The following OPTN variants were observed in gnomAD, a reference collection of about 807,000 sequenced individuals.
The protein encoded by OPTN is optineurin, also known as E3-14.7K-interacting protein.
In OPTN, 54 loss-of-function variants were observed where a neutral mutation model predicts 70.4. That is an observed-to-expected ratio of 0.77 (90% CI 0.62 to 0.96). The LOEUF (loss-of-function observed/expected upper bound fraction) is 0.96, where lower values mean the gene tolerates loss of function less well. Among genes scored for constraint, OPTN ranks in the 40% least tolerant of loss-of-function variants. The pLI, the probability that OPTN is intolerant of heterozygous loss-of-function variation, is 0.00. For missense variants in OPTN, 624 were observed against 673.2 expected (o/e 0.93, Z 0.81); for synonymous variants, 256 against 248.5 (o/e 1.03, Z -0.28).
At chr10:13,130,372 C>T (rs544593909) in intron 12 of OPTN, among the ~76,000 whole-genome samples, 65 of 139,804 alleles carry the variant, frequency 4.6e-4, no homozygotes, top group Non-Finnish European at 8.6e-4. Context: ...TTGCAGTGAG[C>T]CGAGATCATG....
At chr10:13,115,044 T>C (rs866821065) in intron 5 of OPTN, among the ~76,000 whole-genome samples, 1 of 60,068 alleles carries the variant, frequency 1.7e-5, no homozygotes, top group Non-Finnish European at 2.9e-5. Flanking sequence ...TATTTTTATA[T>C]ATAGATATAT....
intron 7 of OPTN, 25 bp from the exon 8 acceptor site, chr10:13,122,360 T>C (rs760142711): frequency 4.6e-6 from 7 of 1,525,518 alleles, no homozygotes; most frequent in Non-Finnish European, 6.4e-6. Flanking sequence ...AGAAAGTAAC[T>C]TTTCTATCTT....
At chr10:13,122,543 G>A (rs1833374032) in intron 8 of OPTN, 56 bp downstream of exon 8, 2 of 1,146,002 alleles carry the variant, frequency 1.7e-6, no homozygotes, top group South Asian at 1.2e-5. Context: ...GAGTAGTCCA[G>A]CCACTGAATT....
intron 7 of OPTN, among the ~76,000 whole-genome samples, chr10:13,120,119 A>T (rs1036307407): frequency 1.3e-5 from 2 of 150,772 alleles, no homozygotes; most frequent in Non-Finnish European, 3.0e-5. Context: ...AGTAGCCGGG[A>T]CTACAGGCGC....
intron 12 of OPTN, among the ~76,000 whole-genome samples, chr10:13,130,713 T>A (rs1393377849): frequency 6.6e-6 from 1 of 152,112 alleles, no homozygotes; most frequent in Non-Finnish European, 1.5e-5. Context: ...ATTTTACTTT[T>A]AAAATAATGG....
At chr10:13,100,144 C>T (rs1307411426), upstream of OPTN, 1 of 152,874 alleles carries the variant, frequency 6.5e-6, no homozygotes, top group Non-Finnish European at 1.5e-5. Flanking sequence ...CCAGGCCGCG[C>T]ATCAGCCCTA....
At chr10:13,100,867 C>T (rs1346367920) in intron 1 of OPTN, among the ~76,000 whole-genome samples, 1 of 152,184 alleles carries the variant, frequency 6.6e-6, no homozygotes, top group East Asian at 1.9e-4. Flanking sequence ...GTAAACATCG[C>T]TCAAAGAAAA....
intron 9 of OPTN, among the ~76,000 whole-genome samples, chr10:13,125,041 A>G (rs1323118819): frequency 6.6e-6 from 1 of 152,216 alleles, no homozygotes; most frequent in Non-Finnish European, 1.5e-5. Flanking sequence ...AAGTCTTTGC[A>G]ATTGACAGAA....
chr10:13,110,961 C>T (rs527762555), intron 4 of OPTN, among the ~76,000 whole-genome samples: 5 of 152,246 alleles, frequency 3.3e-5, no homozygotes, highest in African/African-American at 7.2e-5. Context: ...AGGAGGCTAT[C>T]GCATTGCCAC....
intron 12 of OPTN, among the ~76,000 whole-genome samples, chr10:13,130,192 C>T (rs761141157): frequency 7.2e-5 from 11 of 151,798 alleles, no homozygotes; most frequent in South Asian, 2.1e-4. Context: ...TTTGGGAGGC[C>T]GAGGCAGGCA....
At chr10:13,129,853 T>A (rs1833555811) in intron 12 of OPTN, among the ~76,000 whole-genome samples, 1 of 152,224 alleles carries the variant, frequency 6.6e-6, no homozygotes, top group Non-Finnish European at 1.5e-5. Context: ...ATTCCCTACA[T>A]ACAGACTCAT....
intron 1 of OPTN, among the ~76,000 whole-genome samples, chr10:13,105,888 G>A (rs1381756629): frequency 2.7e-5 from 4 of 149,992 alleles, no homozygotes; most frequent in East Asian, 1.9e-4. Flanking sequence ...CAGCCTGGGC[G>A]ACAAAGTGAG....
At position 13,108,200 on chromosome 10, in the gene OPTN, AC is replaced by A. The variant is rs1446684073; in HGVS notation, c.-98del. On this transcript the variant is annotated 5_prime_UTR_variant, in exon 2 of 15. Coordinates refer to ENST00000378747, the MANE Select transcript of OPTN (RefSeq NM_001008212.2). ...TTGGATGAGCCGTACGCCTCTGTAA[AC>A]CCAACTTCCTCACCTTTGAAACAGC... is the stretch of plus-strand genomic sequence containing the variant. 6.6e-6 allele frequency: 1 copy of A among 152,116 alleles called. No homozygotes were observed. The highest frequency in any genetic ancestry group is 6.5e-5 in the Admixed American group (1 of 15,270). 9.4% of individuals were successfully genotyped at this position (152,116 alleles called of 1,614,324 possible).
Position 13,125,476 on chromosome 10 carries a change from G to C in OPTN, c.1057G>C (p.Glu353Gln). Residue 353 changes from glutamate (E) to glutamine (Q), a missense_variant, in exon 10 of 15, where the codon GAG becomes CAG. Physicochemically the swap from Glu to Gln is conservative, Grantham distance 29. Transcript: ENST00000378747. The stretch of plus-strand genomic sequence containing the variant: ...TCCATCAGAGTTGAATGAAAAGCAA[G>C]AGCTTGTTTATACTAACAAAAAGTT... ...AIPSELNEKQ[E>Q]LVYTNKKLEL... is the part of the protein sequence containing the mutation. 1 of 1,614,126 alleles carries C rather than the reference G, an allele frequency of 6.2e-7. No homozygotes were observed. The highest frequency in any genetic ancestry group is 8.5e-7 in the Non-Finnish European group (1 of 1,179,996).
rs1449351012 is a variant in OPTN, at chr10:13,137,781, T to C, written c.*915T>C. ...ATTGGCATCGATGAAACCGATAACA[T>C]TGGCCTCATTGGATTTCTTTACCCA... On this transcript the variant is annotated 3_prime_UTR_variant, in exon 15 of 15. Transcript: ENST00000378747. The C allele has an allele frequency of 4.4e-6, 1 of 227,844 alleles. No homozygotes were observed. The highest frequency in any genetic ancestry group is 2.2e-5 in the African/African-American group (1 of 45,048). The allele number at this position is 227,844 out of a possible 1,614,324, so 14.1% of individuals were successfully genotyped here. A position where few individuals can be genotyped will look rare whatever the true frequency, so the allele number is the denominator to read the frequency against.
chr10:13,109,209 C>G lies in OPTN; in HGVS notation c.87C>G (p.His29Gln). 6.2e-7 allele frequency: 1 copy of G among 1,614,046 alleles called. No homozygotes were observed. Among genetic ancestry groups the G allele is most frequent in the Non-Finnish European group, 8.5e-7 (1 of 1,179,984 alleles). Residue 29 changes from histidine (H) to glutamine (Q), a missense_variant, in exon 3 of 15, where the codon CAC (histidine) becomes CAG (glutamine). Physicochemically the swap from His to Gln is conservative, Grantham distance 24. Transcript: ENST00000378747. The stretch of plus-strand genomic sequence containing the variant: ...GAAATGGACCCCCCCACCTGGCCCA[C>G]CCAAACCTGGACACGTTTACCCCGG... Reference protein sequence around the residue: ...STGNGPPHLAHPNLDTFTPEE... With the variant: ...STGNGPPHLAQPNLDTFTPEE...
chr10:13,104,830 G>A (rs914605730), intron 1 of OPTN: 25 of 428,930 alleles, frequency 5.8e-5, no homozygotes, highest in East Asian at 1.1e-4. Context: ...GGTGGCATTC[G>A]AGATCTTCAA....
intron 4 of OPTN, among the ~76,000 whole-genome samples, chr10:13,111,464 A>G (rs1004353839): frequency 2.0e-5 from 3 of 152,106 alleles, no homozygotes; most frequent in Non-Finnish European, 4.4e-5. Flanking sequence ...TTGGGAGGCT[A>G]GGGTGGGCAG....
rs886046824 is a variant in OPTN, at chr10:13,137,084, G to C, written c.*218G>C. 26 of 569,482 alleles carry C rather than the reference G, an allele frequency of 4.6e-5. No individual in the cohort carries two copies. Among genetic ancestry groups the C allele is most frequent in the Non-Finnish European group, 7.0e-5 (22 of 315,110 alleles). 35.3% of individuals were successfully genotyped at this position (569,482 alleles called of 1,614,324 possible). On this transcript the variant is annotated 3_prime_UTR_variant, in exon 15 of 15. Transcript: ENST00000378747. Reference sequence around the variant, plus strand: ...CACTTGGGGTCAGGGTTTGAGACCAGCCTGGCCAACATGGCGGAACCCTGT... The same window carrying C: ...CACTTGGGGTCAGGGTTTGAGACCACCCTGGCCAACATGGCGGAACCCTGT...
Sources: allele counts gnomAD v4.1 joint callset (sites outside exome capture counted in the v4.1 genomes callset), GRCh38; gene constraint gnomAD v4.1.1; transcripts MANE v1.5; gene names NCBI Gene and HGNC (gene_info 2026-07-23, HGNC 2026-07-21).